KIF26B: variants seen among roughly 807,000 people sequenced by gnomAD.
KIF26B encodes kinesin-like protein KIF26B.
In KIF26B, 63 loss-of-function variants were observed where a neutral mutation model predicts 151.2. The observed-to-expected ratio is 0.42, with a 90% confidence interval of 0.34 to 0.51. The LOEUF (loss-of-function observed/expected upper bound fraction) is 0.51. KIF26B is among the 20% of genes least tolerant of loss of function. The pLI, the probability that KIF26B is intolerant of heterozygous loss-of-function variation, is 0.07. For synonymous variants in KIF26B, 1,357 were observed against 1,262.1 expected (o/e 1.08, Z -1.59); for missense variants, 2,813 against 2,913.6 (o/e 0.97, Z 0.79).
At chr1:245,426,364 T>A (rs756319176) in intron 4 of KIF26B, among the ~76,000 whole-genome samples, 2 of 152,130 alleles carry the variant, frequency 1.3e-5, no homozygotes, top group Non-Finnish European at 2.9e-5. Context: ...GTCACTCTCA[T>A]TCCTTTCTCT....
chr1:245,540,773 C>T lies in KIF26B; in HGVS notation c.1173C>T (p.Ala391=). The part of the protein sequence containing the change: ...SVAASFFARA[A]QKLNLSSKKK... ...GTTCCTTTTTCCACTCCAGAGCTGC[C>T]CAGAAGTTAAATCTGTCTTCTAAAA... Residue 391 remains alanine (A), a synonymous_variant, in exon 5 of 15, where the codon GCC becomes GCT. Coordinates refer to ENST00000407071, the MANE Select transcript of KIF26B (RefSeq NM_018012.4). The surrounding 1 kb of genome is among the most constrained non-coding windows in gnomAD (Gnocchi z 4.6). The T allele has an allele frequency of 3.1e-6, 5 of 1,613,682 alleles. No individual in the cohort carries two copies. In the Admixed American group the frequency reaches 6.7e-5, roughly 22 times the overall value.
intron 3 of KIF26B, among the ~76,000 whole-genome samples, chr1:245,402,184 G>A (rs888552336): frequency 6.6e-6 from 1 of 152,192 alleles, no homozygotes; most frequent in African/African-American, 2.4e-5. Flanking sequence ...GAAAAGGCTT[G>A]CATAGCTAGT....
intron 2 of KIF26B, among the ~76,000 whole-genome samples, chr1:245,359,093 A>G (rs1377707022): frequency 6.6e-6 from 1 of 151,448 alleles, no homozygotes; most frequent in Non-Finnish European, 1.5e-5. Flanking sequence ...GTCTCGGCTC[A>G]CTGCAGCCTC....
At position 245,688,135 on chromosome 1, in the gene KIF26B, C is replaced by T. The variant is rs373108388; in HGVS notation, c.5152C>T (p.Pro1718Ser). The change falls in exon 12 of 15, where the codon CCC becomes TCC. Residue 1718 changes from proline (P) to serine (S), a missense_variant. Pro to Ser is a moderately conservative substitution (Grantham distance 74). This residue lies in a region of KIF26B where 2,060 missense variants were observed against 2,088.6 expected (regional missense o/e 0.99). Coordinates refer to ENST00000407071, the MANE Select transcript of KIF26B (RefSeq NM_018012.4). ...RSLGRSAGTS[P>S]PSSGASPKAG... ...CCTGGGCCGCAGCGCCGGGACCTCG[C>T]CCCCCAGCTCCGGGGCCTCGCCCAA... is the stretch of plus-strand genomic sequence containing the variant. The T allele has an allele frequency of 6.3e-6, 10 of 1,587,566 alleles. No individual in the cohort carries two copies. Among genetic ancestry groups the T allele is most frequent in the African/African-American group, 5.4e-5 (4 of 74,608 alleles).
chr1:245,387,256 C>G (rs1673573997), intron 3 of KIF26B, among the ~76,000 whole-genome samples: 1 of 151,592 alleles, frequency 6.6e-6, no homozygotes, highest in African/African-American at 2.4e-5. Flanking sequence ...CCTCTGCCTC[C>G]CCAGTTCAAG....
chr1:245,289,231 C>T (rs906094643), intron 2 of KIF26B, among the ~76,000 whole-genome samples: 4 of 152,092 alleles, frequency 2.6e-5, no homozygotes, highest in South Asian at 2.1e-4. Flanking sequence ...TTGATTTAGT[C>T]GTAAATGTGG....
chr1:245,576,718 C>A (rs1442650168), intron 5 of KIF26B, among the ~76,000 whole-genome samples: 2 of 152,180 alleles, frequency 1.3e-5, no homozygotes, highest in African/African-American at 4.8e-5. Context: ...CCTGTAAAAA[C>A]CCATTTCCAC....
At chr1:245,390,021 G>A (rs140790309) in intron 3 of KIF26B, among the ~76,000 whole-genome samples, 73 of 152,254 alleles carry the variant, frequency 4.8e-4, no homozygotes, top group African/African-American at 1.2e-3. Context: ...ATACTCCGAC[G>A]CTATCTGCCT....
intron 1 of KIF26B, among the ~76,000 whole-genome samples, chr1:245,155,719 C>G (rs1358264210): frequency 6.6e-6 from 1 of 152,246 alleles, no homozygotes; most frequent in Admixed American, 6.5e-5. Flanking sequence ...TCCACGCACC[C>G]GTAACTTTTG....
At chr1:245,303,402 G>T (rs898730714) in intron 2 of KIF26B, among the ~76,000 whole-genome samples, 11 of 150,824 alleles carry the variant, frequency 7.3e-5, no homozygotes, top group Non-Finnish European at 1.2e-4. Flanking sequence ...GTTTCACCGT[G>T]TTAGCCAGGA....
In KIF26B at chr1:245,248,025, GC is replaced by G. The variant is rs543388276; in HGVS notation, c.465+91343del. Among the ~76,000 whole-genome samples, 5 of 152,268 alleles carry G rather than the reference GC, an allele frequency of 3.3e-5. No individual in the cohort carries two copies. In the South Asian group the frequency reaches 1.0e-3, roughly 32 times the overall value. ...GGGAAAACTACTTCTATCAGTCACA[GC>G]ACCAACAGTGCCAACACGGCCGTGC... On this transcript the variant is annotated intron_variant, in intron 2 of 14. Transcript: ENST00000407071.
intron 2 of KIF26B, among the ~76,000 whole-genome samples, chr1:245,216,989 T>G (rs899513770): frequency 2.6e-5 from 4 of 152,180 alleles, no homozygotes; most frequent in African/African-American, 9.7e-5. Flanking sequence ...TCCCTGGAGC[T>G]TCTGAGAGAG....
chr1:245,530,447 G>C (rs1364978188), intron 4 of KIF26B, among the ~76,000 whole-genome samples: 2 of 152,158 alleles, frequency 1.3e-5, no homozygotes, highest in African/African-American at 2.4e-5. Context: ...TCCATCAATA[G>C]ACAAATGAAT....
chr1:245,703,936 T>G lies in KIF26B; in HGVS notation c.*1330T>G, dbSNP rs1306346159. ...CCTCCATAACTCACACGACCCTGGA[T>G]AGGCAGAACATAGCTGAAGACTATG... On this transcript the variant is annotated 3_prime_UTR_variant, in exon 15 of 15. Transcript: ENST00000407071. 9 of 152,220 alleles carry G rather than the reference T, an allele frequency of 5.9e-5. No homozygotes were observed. Among genetic ancestry groups the G allele is most frequent in the African/African-American group, 1.7e-4 (7 of 41,452 alleles). 9.4% of individuals were successfully genotyped at this position (152,220 alleles called of 1,614,324 possible). A position where few individuals can be genotyped will look rare whatever the true frequency, so the allele number is the denominator to read the frequency against.
rs770765556 is a variant in KIF26B, at chr1:245,688,014, C to T, written c.5031C>T (p.Tyr1677=). Residue 1677 remains tyrosine (Y), a synonymous_variant, in exon 12 of 15, where the codon TAC becomes TAT. Coordinates refer to ENST00000407071, the MANE Select transcript of KIF26B (RefSeq NM_018012.4). The stretch of plus-strand genomic sequence containing the variant: ...TGGGCAGGGCGACAGTCAGCCACTA[C>T]GAATGCCTCTCCCTGGAGCGGGCCG... ...NSLGRATVSH[Y]ECLSLERAES... is the part of the protein sequence containing the mutation. The T allele has an allele frequency of 5.6e-5, 88 of 1,562,960 alleles. No individual in the cohort carries two copies. The highest frequency in any genetic ancestry group is 3.8e-4 in the East Asian group (16 of 41,678).
rs559962392 is a variant in KIF26B at position 245,350,149 on chromosome 1, C to A, written c.466-16685C>A. On this transcript the variant is annotated intron_variant, in intron 2 of 14. Coordinates refer to ENST00000407071, the MANE Select transcript of KIF26B (RefSeq NM_018012.4). ...GGCTGGAGTTGTCCGGGTTGGTGGA[C>A]CCGCCTGAGTCTGGGGTAGCTTAGC... Among the ~76,000 whole-genome samples, 21 of 152,170 alleles carry A rather than the reference C, an allele frequency of 1.4e-4. No homozygotes were observed. The South Asian group carries it at 3.9e-3, about 29-fold the overall frequency.
chr1:245,325,837 G>A (rs1350597579), intron 2 of KIF26B, among the ~76,000 whole-genome samples: 1 of 152,134 alleles, frequency 6.6e-6, no homozygotes, highest in Non-Finnish European at 1.5e-5. Context: ...GTGTGGCGGA[G>A]GGGGGGTGGT....
Position 245,638,286 on chromosome 1 carries a change from A to G in KIF26B, c.2099-7835A>G, listed in dbSNP as rs556958794. ...TTCTTGATTTCCTTTCAGATTGATC[A>G]CAGATAGCATATAGAAATGTTACAC... is the stretch of plus-strand genomic sequence containing the variant. On this transcript the variant is annotated intron_variant, in intron 9 of 14. Coordinates refer to ENST00000407071, the MANE Select transcript of KIF26B (RefSeq NM_018012.4). Among the ~76,000 whole-genome samples the G allele has an allele frequency of 3.3e-5, 5 of 151,944 alleles. No homozygotes were observed. The East Asian group carries it at 9.6e-4, about 29-fold the overall frequency.
Position 245,540,761 on chromosome 1 carries a change from C to T in KIF26B, c.1167-6C>T, listed in dbSNP as rs1661598802. ...TTTCCCCTTATTGTTCCTTTTTCCA[C>T]TCCAGAGCTGCCCAGAAGTTAAATC... On this transcript the variant is annotated splice_region_variant and splice_polypyrimidine_tract_variant and intron_variant, in intron 4 of 14. Coordinates refer to ENST00000407071, the MANE Select transcript of KIF26B (RefSeq NM_018012.4). This position sits in a 1 kb window ranked among gnomAD's most constrained non-coding sequence, Gnocchi z 4.6. The T allele has an allele frequency of 2.5e-6, 4 of 1,613,158 alleles. No individual in the cohort carries two copies. Among genetic ancestry groups the T allele is most frequent in the East Asian group, 2.2e-5 (1 of 44,876 alleles).
Sources: gnomAD v4.1 joint callset for allele counts (sites outside exome capture counted in the v4.1 genomes callset) on GRCh38, gnomAD v4.1.1 for gene constraint, gnomAD v4.1.1 regional missense constraint, Gnocchi (gnomAD v3.1) non-coding constraint, MANE v1.5 for transcripts, NCBI Gene and HGNC (gene_info 2026-07-23, HGNC 2026-07-21) for gene names.